ELSPBP1: variants seen among roughly 807,000 people sequenced by gnomAD.
ELSPBP1 encodes epididymal sperm-binding protein 1.
ELSPBP1 carries 38 observed loss-of-function variants against 33.3 expected under a neutral mutation model. The observed-to-expected ratio is 1.14, with a 90% CI of 0.88 to 1.50. The LOEUF is 1.50. Ranked by LOEUF, ELSPBP1 falls within the 40% of genes most tolerant of loss-of-function variation. The probability of loss-of-function intolerance (pLI) is 0.00; values close to 1 mark genes in which losing one functional copy is unlikely to be tolerated. For synonymous variants in ELSPBP1, 85 were observed against 94.1 expected, an observed-to-expected ratio of 0.90 and a Z score of 0.56; for missense variants, 267 against 263.5, an observed-to-expected ratio of 1.01 and a Z score of -0.09.
At chr19:48,007,160 T>C (rs1967029180) in intron 1 of ELSPBP1, among the ~76,000 whole-genome samples, 1 of 152,228 alleles carries the variant, frequency 6.6e-6, no homozygotes, top group Non-Finnish European at 1.5e-5. Flanking sequence ...CATTTTCACA[T>C]CAAGGTCTAA....
intron 6 of ELSPBP1, among the ~76,000 whole-genome samples, chr19:48,024,444 G>A (rs981571815): frequency 6.6e-6 from 1 of 152,142 alleles, no homozygotes; most frequent in African/African-American, 2.4e-5. Flanking sequence ...TCCCTTTGGG[G>A]TGGAAAACCC....
At chr19:48,004,897 A>G (rs2122297907) in intron 1 of ELSPBP1, among the ~76,000 whole-genome samples, 1 of 152,230 alleles carries the variant, frequency 6.6e-6, no homozygotes, top group East Asian at 1.9e-4. Context: ...TGCATAAAGC[A>G]TGCATCAGGA....
intron 2 of ELSPBP1, 40 bp downstream of exon 2, chr19:48,008,777 G>A: frequency 6.4e-7 from 1 of 1,561,174 alleles, no homozygotes. Flanking sequence ...TTAGAAGCTG[G>A]AGAAGAATGA....
chr19:48,023,381 G>GGAGGGAGGAAAGAAGGGAGGAAGT (rs1967226117), intron 6 of ELSPBP1, among the ~76,000 whole-genome samples: 1 of 72,162 alleles, frequency 1.4e-5, no homozygotes. Context: ...AGAGAGGAAA[G>GGAGGGAGGAAAGAAGGGAGGAAGT]GAGGGAGGAG....
intron 1 of ELSPBP1, among the ~76,000 whole-genome samples, chr19:47,998,452 AGGGATTGGGC>A (rs1296468860): frequency 6.8e-6 from 1 of 147,836 alleles, no homozygotes; most frequent in African/African-American, 2.6e-5. Context: ...AATCAATCTC[AGGGATTGGGC>A]TAATGAGCCC....
At chr19:48,024,211 C>T (rs531245207) in intron 6 of ELSPBP1, among the ~76,000 whole-genome samples, 2 of 152,062 alleles carry the variant, frequency 1.3e-5, no homozygotes, top group South Asian at 4.2e-4. Context: ...TAGTCTTTTC[C>T]TCTCTCTACA....
In ELSPBP1 at chr19:48,022,178, G is replaced by T; in HGVS notation, c.523G>T (p.Ala175Ser). The T allele has an allele frequency of 6.2e-6, 10 of 1,611,740 alleles. No individual in the cohort carries two copies. The highest frequency in any genetic ancestry group is 8.5e-6 in the Non-Finnish European group (10 of 1,178,936). The part of the protein sequence containing the change: ...WSFCADTRIS[A>S]LVPGFPCHFP... ...CCCCTTCTGCTTCCTAGGAATTTCC[G>T]CGTTGGTCCCTGGCTTTCCTTGTCA... The change falls in exon 6 of 7, where the codon GCG (alanine) becomes TCG (serine). Residue 175 changes from alanine (A) to serine (S), a missense_variant. By Grantham distance (99) the Ala-to-Ser change is moderately conservative. Transcript: ENST00000339841.
Position 48,011,038 on chromosome 19 carries a change from GGATGATGATGATATGAC to G in ELSPBP1, c.70+2310_70+2326del, listed in dbSNP as rs1462971290. Among the ~76,000 whole-genome samples, 6 of 148,960 alleles carry G rather than the reference GGATGATGATGATATGAC, an allele frequency of 4.0e-5. No individual in the cohort carries two copies. Among genetic ancestry groups the G allele is most frequent in the Non-Finnish European group, 7.4e-5 (5 of 67,188 alleles). The stretch of plus-strand genomic sequence containing the variant: ...GTGAAGATGACAATGATAATGATGA[GGATGATGATGATATGAC>G]GATGATGACAATGATGACGGTAATG... On this transcript the variant is annotated intron_variant, in intron 2 of 6. Coordinates refer to ENST00000339841, the MANE Select transcript of ELSPBP1 (RefSeq NM_022142.5). This position sits in a 1 kb window ranked among gnomAD's most constrained non-coding sequence, Gnocchi z 4.5.
At chr19:48,013,393 A>G (rs989603914) in intron 2 of ELSPBP1, among the ~76,000 whole-genome samples, 1 of 152,142 alleles carries the variant, frequency 6.6e-6, no homozygotes, top group Non-Finnish European at 1.5e-5. Context: ...CCACCATGAG[A>G]ACTGTCTCAG....
At chr19:47,997,154 A>G (rs777527980) in intron 1 of ELSPBP1, among the ~76,000 whole-genome samples, 43 of 152,174 alleles carry the variant, frequency 2.8e-4, no homozygotes, top group Admixed American at 1.4e-3. Flanking sequence ...GCCAACACCA[A>G]GAGGCCCCGG....
At chr19:48,016,222 C>T (rs1340232791) in intron 4 of ELSPBP1, among the ~76,000 whole-genome samples, 183 bp downstream of exon 4, 7 of 152,276 alleles carry the variant, frequency 4.6e-5, no homozygotes, top group South Asian at 2.1e-4. Context: ...CGAGGCCATT[C>T]GCCCAGTCCC....
chr19:48,016,462 TTCC>T (rs200559180), intron 4 of ELSPBP1, among the ~76,000 whole-genome samples: 2,650 of 20,628 alleles, frequency 0.13, 123 homozygotes, highest in East Asian at 0.26. Flanking sequence ...TTTCTTTTCT[TTCC>T]TTCTTTCTTT....
At chr19:48,016,354 C>A (rs1038473018) in intron 4 of ELSPBP1, among the ~76,000 whole-genome samples, 5 of 152,154 alleles carry the variant, frequency 3.3e-5, no homozygotes, top group Admixed American at 6.5e-5. Context: ...ACTGATGGAC[C>A]CAAACTGCCT....
intron 6 of ELSPBP1, among the ~76,000 whole-genome samples, chr19:48,024,674 C>T (rs981683586): frequency 6.6e-6 from 1 of 152,154 alleles, no homozygotes; most frequent in Non-Finnish European, 1.5e-5. Flanking sequence ...CTAGGAACAG[C>T]GTCCAGCCTC....
chr19:47,998,801 A>AAC (rs1966938260), intron 1 of ELSPBP1, among the ~76,000 whole-genome samples: 1 of 151,910 alleles, frequency 6.6e-6, no homozygotes, highest in Non-Finnish European at 1.5e-5. Flanking sequence ...AAAAAAAAAA[A>AAC]AAAAATGCAG....
intron 1 of ELSPBP1, among the ~76,000 whole-genome samples, chr19:48,000,882 CCT>C (rs1226305973): frequency 1.3e-5 from 2 of 152,210 alleles, no homozygotes; most frequent in African/African-American, 4.8e-5. Context: ...TTTTCAGCCC[CCT>C]GTGTGTGCAT....
chr19:48,004,472 C>A (rs550667502), intron 1 of ELSPBP1, among the ~76,000 whole-genome samples: 4 of 152,226 alleles, frequency 2.6e-5, no homozygotes, highest in South Asian at 2.1e-4. Flanking sequence ...CTTAGCCATG[C>A]GGGTCCCACT....
At chr19:48,006,931 T>A (rs1600103969) in intron 1 of ELSPBP1, among the ~76,000 whole-genome samples, 1 of 152,180 alleles carries the variant, frequency 6.6e-6, no homozygotes, top group East Asian at 1.9e-4. Context: ...AGCCAAGCAC[T>A]GTTGGGAGAG....
chr19:47,998,606 G>A (rs2122287040), intron 1 of ELSPBP1, among the ~76,000 whole-genome samples: 1 of 151,966 alleles, frequency 6.6e-6, no homozygotes, highest in South Asian at 2.1e-4. Context: ...CTAACACAGT[G>A]AAACCCCGTC....
Sources: gnomAD v4.1 joint callset for allele counts (sites outside exome capture counted in the v4.1 genomes callset) on GRCh38, gnomAD v4.1.1 for gene constraint, Gnocchi (gnomAD v3.1) non-coding constraint, MANE v1.5 for transcripts, NCBI Gene and HGNC (gene_info 2026-07-23, HGNC 2026-07-21) for gene names.